The following RPS29 variants were observed in gnomAD, a reference collection of about 807,000 sequenced individuals.
RPS29 encodes the protein ribosomal protein S29.
For synonymous variants in RPS29, 37 were observed against 26.9 expected (o/e 1.37, Z -1.16); for missense variants, 60 against 75.7 (o/e 0.79, Z 0.77).
rs60555753 is a variant in RPS29 at position 49,578,559 on chromosome 14, C to CTTTTTTTTTT, written c.163-716_163-707dup. Among the ~76,000 whole-genome samples, 155 of 103,440 alleles carry CTTTTTTTTTT rather than the reference C, an allele frequency of 1.5e-3. 13 individuals carry two copies. The highest frequency in any genetic ancestry group is 1.9e-3 in the Non-Finnish European group (106 of 55,244). 67.9% of individuals were successfully genotyped at this position (103,440 alleles called of 152,430 possible). A position where few individuals can be genotyped will look rare whatever the true frequency, so the allele number is the denominator to read the frequency against. ...CTACCAATATTTACCAAAGCTTTCA[C>CTTTTTTTTTT]TTTTTTTTTTTTTTTTTTTGAGACA... is the stretch of plus-strand genomic sequence containing the variant. On this transcript the variant is annotated intron_variant, in intron 2 of 2. Coordinates refer to the RPS29 transcript ENST00000396020.
In RPS29 at chr14:49,593,859, G is replaced by A. The variant is rs548348575; in HGVS notation, c.-133+4541C>T. Among the ~76,000 whole-genome samples the A allele has an allele frequency of 8.8e-4, 134 of 152,224 alleles. 1 individual carries two copies. The highest frequency in any genetic ancestry group is 1.5e-3 in the Non-Finnish European group (101 of 68,022). ...ACATATAACCTGGATTCCAAAGGGAGCAAGAGACAAGCCTTTGGGCAACTG... is the reference window on the plus strand; with the variant it reads ...ACATATAACCTGGATTCCAAAGGGAACAAGAGACAAGCCTTTGGGCAACTG... On this transcript the variant is annotated intron_variant, in intron 1 of 3. Transcript: ENST00000556230.
At chr14:49,592,595 G>A (rs1026340922) in intron 1 of RPS29, among the ~76,000 whole-genome samples, 2 of 148,242 alleles carry the variant, frequency 1.3e-5, no homozygotes, top group African/African-American at 4.9e-5. Context: ...TTGAACCCCC[G>A]CCGGCCAAAA....
chr14:49,589,302 A>C (rs995620590), upstream of RPS29, among the ~76,000 whole-genome samples: 7 of 152,148 alleles, frequency 4.6e-5, no homozygotes, highest in African/African-American at 1.7e-4. Flanking sequence ...TGAAGTGCAA[A>C]GAAAAAGAAA....
chr14:49,577,557 G>A (rs77529832), exon 3 of RPS29: 83 of 621,950 alleles, frequency 1.3e-4, no homozygotes, highest in South Asian at 7.9e-4. Flanking sequence ...GCTCCTTAAC[G>A]TTGTGGACCA....
chr14:49,591,771 C>T (rs186890524), intron 1 of RPS29, among the ~76,000 whole-genome samples: 1 of 152,038 alleles, frequency 6.6e-6, no homozygotes, highest in African/African-American at 2.4e-5. Context: ...CAGGCGCCCA[C>T]CACCATGGCT....
At chr14:49,581,682 AAG>A (rs1324180066), downstream of RPS29, among the ~76,000 whole-genome samples, 2 of 152,140 alleles carry the variant, frequency 1.3e-5, no homozygotes, top group Admixed American at 6.5e-5. Flanking sequence ...CCCAGCCCCT[AAG>A]AGTCATTATC....
chr14:49,581,195 A>C (rs927001026), downstream of RPS29, among the ~76,000 whole-genome samples: 5 of 152,292 alleles, frequency 3.3e-5, no homozygotes, highest in African/African-American at 1.2e-4. Context: ...TATCTCAAAA[A>C]AAAAAGAAAA....
chr14:49,590,711 G>A (rs1478405798), upstream of RPS29, among the ~76,000 whole-genome samples: 2 of 146,448 alleles, frequency 1.4e-5, no homozygotes, highest in Non-Finnish European at 3.0e-5. Flanking sequence ...TTCTTTTTGA[G>A]ACGGAGTCTC....
chr14:49,585,877 G>T, intron 2 of RPS29, 73 bp downstream of exon 2: 2 of 1,160,184 alleles, frequency 1.7e-6, no homozygotes, highest in Non-Finnish European at 2.6e-6. Context: ...CTGTCCGTTT[G>T]TCTTTCGCGG....
intron 1 of RPS29, among the ~76,000 whole-genome samples, chr14:49,592,875 T>C (rs1881745979): frequency 6.6e-6 from 1 of 150,996 alleles, no homozygotes; most frequent in Admixed American, 6.6e-5. Flanking sequence ...GCCACTGCAC[T>C]CCAGCCTGGG....
chr14:49,592,354 A>C (rs986563682), intron 1 of RPS29: 4 of 149,066 alleles, frequency 2.7e-5, no homozygotes, highest in African/African-American at 9.9e-5. Flanking sequence ...AAAAAGTTTT[A>C]AAGTCTATGT....
exon 3 of RPS29, chr14:49,576,011 T>A (rs1390686417): frequency 6.6e-6 from 1 of 152,148 alleles, no homozygotes; most frequent in East Asian, 1.9e-4. Flanking sequence ...CTAGGCTAAT[T>A]TTTGGACCCT....
chr14:49,584,298 C>G (rs907020265), intron 2 of RPS29, among the ~76,000 whole-genome samples: 22 of 152,350 alleles, frequency 1.4e-4, no homozygotes, highest in African/African-American at 5.1e-4. Context: ...GGACACAGAG[C>G]TAGGGCGTGG....
chr14:49,598,631 G>A, exon 1 of RPS29: 1 of 701,252 alleles, frequency 1.4e-6, no homozygotes, highest in Non-Finnish European at 2.6e-6. Context: ...ACAGCGGCCC[G>A]ACGTGCGCCC....
exon 3 of RPS29, chr14:49,573,379 A>G (rs1881103088): frequency 6.6e-6 from 1 of 151,000 alleles, no homozygotes; most frequent in Non-Finnish European, 1.5e-5. Flanking sequence ...AAGTTAAGGC[A>G]GGAGAATCTC....
chr14:49,598,521 C>T, exon 1 of RPS29: 1 of 702,400 alleles, frequency 1.4e-6, no homozygotes, highest in Non-Finnish European at 2.6e-6. Flanking sequence ...AGCAGCCCGT[C>T]CGCGCCGGGA....
chr14:49,593,692 C>CAAAAAAAAAAAAAA (rs10647593), intron 1 of RPS29, among the ~76,000 whole-genome samples: 1 of 56,302 alleles, frequency 1.8e-5, no homozygotes, highest in African/African-American at 6.5e-5. Context: ...GACTCTGTCT[C>CAAAAAAAAAAAAAA]AAAAAAAAAA....
chr14:49,586,731 G>T (rs1275405625), upstream of RPS29: 1 of 244,490 alleles, frequency 4.1e-6, no homozygotes, highest in East Asian at 8.9e-5. Flanking sequence ...TCCCGGGAGC[G>T]GGGGACCACC....
At chr14:49,576,881 G>C (rs1407802589) in exon 3 of RPS29, 1 of 152,182 alleles carries the variant, frequency 6.6e-6, no homozygotes, top group African/African-American at 2.4e-5. Context: ...ATAATTGTGA[G>C]GCATCCCCAG....
Sources: gnomAD v4.1 joint callset for allele counts (sites outside exome capture counted in the v4.1 genomes callset) on GRCh38, gnomAD v4.1.1 for gene constraint, MANE v1.5 for transcripts, NCBI Gene and HGNC (gene_info 2026-07-23, HGNC 2026-07-21) for gene names.